The following CIBAR2 variants were observed in gnomAD, a reference collection of about 807,000 sequenced individuals.
CIBAR2 encodes CBY1-interacting BAR domain-containing protein 2.
A neutral mutation model predicts 36.2 loss-of-function variants in CIBAR2; 38 were observed. The observed-to-expected ratio is 1.05, with a 90% CI of 0.81 to 1.38. The LOEUF is 1.38. Ranked by LOEUF, CIBAR2 falls within the 40% of genes most tolerant of loss-of-function variation. The pLI is 0.00. For synonymous variants in CIBAR2, 182 were observed against 149.5 expected, an observed-to-expected ratio of 1.22 and a Z score of -1.58; for missense variants, 481 against 383.4, an observed-to-expected ratio of 1.25 and a Z score of -2.13.
chr16:85,109,404 GT>G, intron 2 of CIBAR2, among the ~76,000 whole-genome samples: 1 of 152,326 alleles, frequency 6.6e-6, no homozygotes, highest in South Asian at 2.1e-4. Context: ...ATCGTGGGTT[GT>G]GTCTGCCTGC....
At chr16:85,109,194 T>C (rs2074021309) in intron 2 of CIBAR2, among the ~76,000 whole-genome samples, 2 of 152,078 alleles carry the variant, frequency 1.3e-5, no homozygotes, top group Admixed American at 1.3e-4. Context: ...GAGGACAGCT[T>C]GACCCCAGGA....
chr16:85,100,023 C>A, intron 8 of CIBAR2, 116 bp downstream of exon 8: 1 of 770,234 alleles, frequency 1.3e-6, no homozygotes. Flanking sequence ...CCTCAGCCTC[C>A]CATTTCAAAT....
chr16:85,104,042 T>A (rs1250358603), intron 6 of CIBAR2, among the ~76,000 whole-genome samples: 1 of 152,214 alleles, frequency 6.6e-6, no homozygotes, highest in Non-Finnish European at 1.5e-5. Flanking sequence ...ATTCCACACT[T>A]GTTAAAGTAA....
chr16:85,105,426 C>A lies in CIBAR2; in HGVS notation c.438G>T (p.Glu146Asp), dbSNP rs771770710. 5 of 1,612,902 alleles carry A rather than the reference C, an allele frequency of 3.1e-6. No homozygotes were observed. Among genetic ancestry groups the A allele is most frequent in the Non-Finnish European group, 4.2e-6 (5 of 1,179,188 alleles). The change falls in exon 6 of 9, where the codon GAG becomes GAT. Residue 146 changes from glutamate (E) to aspartate (D), a missense_variant. Coordinates refer to ENST00000539556, the MANE Select transcript of CIBAR2 (RefSeq NM_198491.3). ...CCACAGCGGCCCTCTGCACTCTGGTCTCTGCCTGGCCCCAGGGACACAAGA... is the reference window on the plus strand; with the variant it reads ...CCACAGCGGCCCTCTGCACTCTGGTATCTGCCTGGCCCCAGGGACACAAGA... Reference protein sequence around the residue: ...PSDQQMISQAETRVQRAAVDS... With the variant: ...PSDQQMISQADTRVQRAAVDS...
chr16:85,107,219 G>C (rs1265395294), intron 5 of CIBAR2, among the ~76,000 whole-genome samples: 1 of 152,132 alleles, frequency 6.6e-6, no homozygotes, highest in Non-Finnish European at 1.5e-5. Context: ...ACATACAGCA[G>C]CGGTGACTAG....
chr16:85,107,070 C>G (rs542195362), intron 5 of CIBAR2, among the ~76,000 whole-genome samples: 2 of 152,160 alleles, frequency 1.3e-5, no homozygotes, highest in East Asian at 1.9e-4. Flanking sequence ...CGCTTGAACC[C>G]TGGAGGCGGA....
intron 5 of CIBAR2, among the ~76,000 whole-genome samples, chr16:85,106,199 C>G (rs536874408): frequency 1.3e-5 from 2 of 152,116 alleles, no homozygotes; most frequent in Non-Finnish European, 2.9e-5. Flanking sequence ...AGGGCTGTGA[C>G]CCACATTCGT....
At position 85,108,032 on chromosome 16, in the gene CIBAR2, C is replaced by A; in HGVS notation, c.323G>T (p.Arg108Leu). 1 of 1,613,786 alleles carries A rather than the reference C, an allele frequency of 6.2e-7. No individual in the cohort carries two copies. Residue 108 changes from arginine (R) to leucine (L), a missense_variant and splice_region_variant, in exon 3 of 9, where the codon CGG becomes CTG. Arg to Leu is a moderately radical substitution (Grantham distance 102). Transcript: ENST00000539556. ...CCACACCGAGGTGCCCCGGCTCACC[C>A]GTGTCTGCTTGATCTGTGCCCCGTA... ...KLYGAQIKQT[R>L]AEIKKFKHVQ...
At chr16:85,099,772 C>T (rs2073940098) in intron 8 of CIBAR2, among the ~76,000 whole-genome samples, 2 of 147,824 alleles carry the variant, frequency 1.4e-5, no homozygotes, top group African/African-American at 2.5e-5. Context: ...TACAGGCATA[C>T]ACCACCACAC....
At chr16:85,099,891 C>T (rs2073941684) in intron 8 of CIBAR2, among the ~76,000 whole-genome samples, 1 of 150,822 alleles carries the variant, frequency 6.6e-6, no homozygotes, top group African/African-American at 2.4e-5. Context: ...GATCCTCCCA[C>T]CTCAGCCTCC....
chr16:85,111,032 C>T (rs986190902), intron 1 of CIBAR2, among the ~76,000 whole-genome samples: 3 of 152,080 alleles, frequency 2.0e-5, no homozygotes, highest in Non-Finnish European at 2.9e-5. Context: ...GCTCCCAATC[C>T]GGCGCCCCCC....
In CIBAR2 at chr16:85,110,265, A is replaced by C. The variant is rs1452495478; in HGVS notation, c.216T>G (p.Ala72=). ...AATCCTGCACTTTGGCCAGGTCCTC[A>C]GCGAAGCCCCTCATGGTGGCCCGCA... ...PELRATMRGF[A]EDLAKVQDYR... is the part of the protein sequence containing the mutation. The change falls in exon 2 of 9, where the codon GCT becomes GCG. Residue 72 remains alanine (A), a synonymous_variant. Transcript: ENST00000539556. 1 of 1,597,856 alleles carries C rather than the reference A, an allele frequency of 6.3e-7. No homozygotes were observed. Among genetic ancestry groups the C allele is most frequent in the South Asian group, 1.1e-5 (1 of 89,658 alleles).
chr16:85,112,225 C>A (rs746202733), intron 1 of CIBAR2, 108 bp downstream of exon 1: 226 of 887,972 alleles, frequency 2.5e-4, no homozygotes, highest in Middle Eastern at 5.9e-4. Context: ...TCACCCCCAA[C>A]CCCCACCCCA....
intron 2 of CIBAR2, among the ~76,000 whole-genome samples, chr16:85,109,972 C>G (rs1206073442): frequency 1.3e-5 from 2 of 152,258 alleles, no homozygotes; most frequent in South Asian, 4.2e-4. Flanking sequence ...GTTCATGGAG[C>G]CCCCAGGGCT....
At chr16:85,105,143 C>G (rs187552840) in intron 6 of CIBAR2, among the ~76,000 whole-genome samples, 184 bp downstream of exon 6, 2 of 152,234 alleles carry the variant, frequency 1.3e-5, no homozygotes, top group African/African-American at 4.8e-5. Context: ...TGCCCTGTGG[C>G]CAGGATTAAC....
chr16:85,106,678 A>G (rs2144167779), intron 5 of CIBAR2, among the ~76,000 whole-genome samples: 1 of 152,298 alleles, frequency 6.6e-6, no homozygotes, highest in Middle Eastern at 3.4e-3. Flanking sequence ...CCCTTTCCAC[A>G]CCTTGATTTG....
In CIBAR2 at chr16:85,099,158, G is replaced by C. The variant is rs758871126; in HGVS notation, c.*27C>G. The C allele has an allele frequency of 3.4e-6, 5 of 1,489,810 alleles. No homozygotes were observed. Among genetic ancestry groups the C allele is most frequent in the Non-Finnish European group, 4.5e-6 (5 of 1,120,790 alleles). The allele number at this position is 1,489,810 out of a possible 1,614,324, so 92.3% of individuals were successfully genotyped here. On this transcript the variant is annotated 3_prime_UTR_variant, in exon 9 of 9. Transcript: ENST00000539556. ...AGGCAGTCTGGGATTATTTTAAACG[G>C]CTTGGGATTGCACTTACCCTACGTC...
At chr16:85,105,980 C>T (rs2073992957) in intron 5 of CIBAR2, among the ~76,000 whole-genome samples, 1 of 152,194 alleles carries the variant, frequency 6.6e-6, no homozygotes, top group Admixed American at 6.5e-5. Context: ...GGGTAAGTCA[C>T]CTTTCTTGGT....
In CIBAR2 at chr16:85,112,355, T is replaced by G. The variant is rs111497206; in HGVS notation, c.-3A>C. 1 of 1,613,988 alleles carries G rather than the reference T, an allele frequency of 6.2e-7. No homozygotes were observed. The highest frequency in any genetic ancestry group is 1.3e-5 in the African/African-American group (1 of 75,048). Reference sequence around the variant, plus strand: ...CACCTGGAGAAGACGATGTTCATTGTGACCAGAGCTTTGGCTGTCCCGGTG... The same window carrying G: ...CACCTGGAGAAGACGATGTTCATTGGGACCAGAGCTTTGGCTGTCCCGGTG... On this transcript the variant is annotated 5_prime_UTR_variant, in exon 1 of 9. Transcript: ENST00000539556.
Sources: allele counts gnomAD v4.1 joint callset (sites outside exome capture counted in the v4.1 genomes callset), GRCh38; gene constraint gnomAD v4.1.1; transcripts MANE v1.5; gene names NCBI Gene and HGNC (gene_info 2026-07-23, HGNC 2026-07-21).